Variants in NCKAP5 observed in about 807,000 individuals in gnomAD.
NCKAP5 encodes nck-associated protein 5.
In NCKAP5, 92 loss-of-function variants were observed where a neutral mutation model predicts 167.0. The ratio of observed to expected loss-of-function variants is 0.55; its 90% CI spans 0.47 to 0.66. NCKAP5 has a LOEUF of 0.66. Among genes scored for constraint, NCKAP5 ranks in the 30% least tolerant of loss-of-function variants. The pLI, the probability that NCKAP5 is intolerant of heterozygous loss-of-function variation, is 0.00. For missense variants in NCKAP5, 2,378 were observed against 2,315.0 expected (o/e 1.03, Z -0.56); for synonymous variants, 891 against 877.4 (o/e 1.02, Z -0.27).
chr2:133,602,487 C>T, the NCKAP5 span, among the ~76,000 whole-genome samples: 1 of 152,074 alleles, frequency 6.6e-6, no homozygotes, highest in Non-Finnish European at 1.5e-5. Context: ...TGATAGAAAG[C>T]CCTGGGGATT....
At chr2:133,179,907 A>G (rs530384513) in intron 5 of NCKAP5, among the ~76,000 whole-genome samples, 10 of 152,140 alleles carry the variant, frequency 6.6e-5, no homozygotes, top group Non-Finnish European at 8.8e-5. Flanking sequence ...AAGAGAAAAG[A>G]GACTGAAAAA....
In NCKAP5 at chr2:132,790,428, C is replaced by T. The variant is rs75456430; in HGVS notation, c.910-223G>A. Among the ~76,000 whole-genome samples, 822 of 152,190 alleles carry T rather than the reference C, an allele frequency of 5.4e-3. 6 individuals carry two copies. The highest frequency in any genetic ancestry group is 0.019 in the African/African-American group (775 of 41,522). On this transcript the variant is annotated intron_variant, in intron 12 of 19. Transcript: ENST00000409261. ...CCCAGCCTACACTTACATTAGCCTA[C>T]GGTTGGGCAAAGTCATCTAACACAA... is the stretch of plus-strand genomic sequence containing the variant.
chr2:133,584,989 G>GGAAGGAAC, the NCKAP5 span, among the ~76,000 whole-genome samples: 1 of 143,132 alleles, frequency 7.0e-6, no homozygotes, highest in Non-Finnish European at 1.5e-5. Context: ...AAGGAAGGAA[G>GGAAGGAAC]GAAGGAGGGA....
At chr2:132,954,549 C>T in intron 8 of NCKAP5, 2 of 419,036 alleles carry the variant, frequency 4.8e-6, no homozygotes, top group East Asian at 7.1e-5. Flanking sequence ...AAGCAGCCAA[C>T]AGTGAGGATT....
At chr2:132,884,196 T>C (rs897096476) in intron 8 of NCKAP5, among the ~76,000 whole-genome samples, 4 of 152,226 alleles carry the variant, frequency 2.6e-5, no homozygotes, top group African/African-American at 7.2e-5. Flanking sequence ...TCAGGTCTCA[T>C]AATGGACAGA....
intron 3 of NCKAP5, among the ~76,000 whole-genome samples, chr2:133,323,371 A>G (rs1316757998): frequency 6.6e-6 from 1 of 152,174 alleles, no homozygotes; most frequent in African/African-American, 2.4e-5. Flanking sequence ...TTTGCCTCTC[A>G]TATTTTTATT....
chr2:133,388,663 T>C (rs1687173131), intron 3 of NCKAP5, among the ~76,000 whole-genome samples: 1 of 152,202 alleles, frequency 6.6e-6, no homozygotes, highest in South Asian at 2.1e-4. Context: ...GCAGGCCTCC[T>C]TGAACTGTGG....
chr2:133,558,594 A>T (rs1263833374), intron 2 of NCKAP5, among the ~76,000 whole-genome samples: 2 of 150,882 alleles, frequency 1.3e-5, no homozygotes, highest in Non-Finnish European at 3.0e-5. Flanking sequence ...CTCTACTTCA[A>T]ATTAGCAGTT....
intron 8 of NCKAP5, among the ~76,000 whole-genome samples, chr2:132,902,891 A>C (rs1228180324): frequency 6.6e-6 from 1 of 152,200 alleles, no homozygotes; most frequent in East Asian, 1.9e-4. Flanking sequence ...TGTGACTGCC[A>C]CATGCCCAGT....
intron 3 of NCKAP5, among the ~76,000 whole-genome samples, chr2:133,346,148 G>A (rs1012091634): frequency 6.6e-6 from 1 of 152,068 alleles, no homozygotes; most frequent in African/African-American, 2.4e-5. Flanking sequence ...CCTAACCATG[G>A]AGAAGGAATA....
At chr2:133,511,903 C>T (rs6750306) in intron 3 of NCKAP5, among the ~76,000 whole-genome samples, 65,464 of 151,952 alleles carry the variant, frequency 0.43, 15,099 homozygotes, top group East Asian at 0.91. Context: ...ACAGGGCAAA[C>T]GGTACTTTAT....
chr2:133,242,248 TCTTTTC>T (rs1559307975), intron 4 of NCKAP5, among the ~76,000 whole-genome samples: 8 of 148,060 alleles, frequency 5.4e-5, no homozygotes, highest in African/African-American at 2.1e-4. Context: ...GTTTTTCTTT[TCTTTTC>T]TTTTCTTTTT....
intron 4 of NCKAP5, among the ~76,000 whole-genome samples, chr2:133,263,487 G>A (rs776844860): frequency 9.4e-4 from 143 of 151,862 alleles, no homozygotes; most frequent in Non-Finnish European, 1.6e-3. Context: ...CACCCTGCTT[G>A]TAAAACTTCT....
At chr2:132,755,277 G>GT (rs1354337094) in intron 16 of NCKAP5, among the ~76,000 whole-genome samples, 3 of 152,192 alleles carry the variant, frequency 2.0e-5, no homozygotes, top group Non-Finnish European at 2.9e-5. Flanking sequence ...GGCACCTGTA[G>GT]TAAGAGGGCA....
chr2:133,091,432 A>G (rs1029672297), intron 6 of NCKAP5, among the ~76,000 whole-genome samples: 2 of 152,088 alleles, frequency 1.3e-5, no homozygotes, highest in Admixed American at 1.3e-4. Context: ...ATGAGTCCTC[A>G]GCAAATATTG....
chr2:133,366,786 C>T (rs746286315), intron 3 of NCKAP5, among the ~76,000 whole-genome samples: 9 of 152,108 alleles, frequency 5.9e-5, no homozygotes, highest in Non-Finnish European at 8.8e-5. Context: ...CTTTAAAAGT[C>T]ATATGGGGAG....
intron 2 of NCKAP5, among the ~76,000 whole-genome samples, 163 bp downstream of exon 2, chr2:133,558,887 C>A (rs1171060669): frequency 6.6e-6 from 1 of 151,988 alleles, no homozygotes; most frequent in Non-Finnish European, 1.5e-5. Context: ...AAACAACTTC[C>A]TAAACCTGGG....
intron 5 of NCKAP5, among the ~76,000 whole-genome samples, chr2:133,153,986 G>A (rs573368678): frequency 3.3e-5 from 5 of 151,558 alleles, no homozygotes; most frequent in South Asian, 2.1e-4. Context: ...GATTATAGGC[G>A]CCCGACCACC....
At position 133,253,803 on chromosome 2, in the gene NCKAP5, G is replaced by A. The variant is rs142131971; in HGVS notation, c.144-40024C>T. Reference sequence around the variant, plus strand: ...GTGCTTTAAAATTATAAATTCAAATGTGAGAAAGTGTCATCACAAAACCAC... The same window carrying A: ...GTGCTTTAAAATTATAAATTCAAATATGAGAAAGTGTCATCACAAAACCAC... On this transcript the variant is annotated intron_variant, in intron 4 of 19. Transcript: ENST00000409261. 9.8e-5 allele frequency among the ~76,000 whole-genome samples: 15 copies of A among 152,288 alleles called. No individual in the cohort carries two copies. In the East Asian group the frequency reaches 2.9e-3, roughly 29 times the overall value.
Sources: allele counts gnomAD v4.1 joint callset (sites outside exome capture counted in the v4.1 genomes callset), GRCh38; gene constraint gnomAD v4.1.1; transcripts MANE v1.5; gene names NCBI Gene and HGNC (gene_info 2026-07-23, HGNC 2026-07-21).